GNG4: variants seen among roughly 807,000 people sequenced by gnomAD.
GNG4 encodes guanine nucleotide-binding protein G(I)/G(S)/G(O) subunit gamma-4.
In GNG4, 4 loss-of-function variants were observed where a neutral mutation model predicts 5.8. The observed-to-expected ratio is 0.69, with a 90% confidence interval of 0.34 to 1.57. The LOEUF (loss-of-function observed/expected upper bound fraction) is 1.57, where lower values mean the gene tolerates loss of function less well. Ranked by LOEUF, GNG4 falls within the 40% of genes most tolerant of loss-of-function variation. The pLI, the probability that GNG4 is intolerant of heterozygous loss-of-function variation, is 0.06. For missense variants in GNG4, 96 were observed against 95.1 expected (o/e 1.01, Z -0.04); for synonymous variants, 29 against 32.9 (o/e 0.88, Z 0.41).
At chr1:235,615,185 A>G (rs1417982141) in intron 1 of GNG4, 1 of 152,104 alleles carries the variant, frequency 6.6e-6, no homozygotes, top group East Asian at 1.9e-4. Flanking sequence ...GGAACCAATT[A>G]CCATGGATTA....
Position 235,649,463 on chromosome 1 carries a change from G to GT in GNG4, c.-123+198dup, listed in dbSNP as rs1657602164. ...GGGCTTCCCCGGGGCCCGGCGGGAGGTCCCGGGAGAGGAGGCCGAGGGAAC... is the reference window on the plus strand; with the variant it reads ...GGGCTTCCCCGGGGCCCGGCGGGAGGTTCCCGGGAGAGGAGGCCGAGGGAAC... On this transcript the variant is annotated intron_variant, in intron 1 of 3. Transcript: ENST00000391854. This position sits in a 1 kb window ranked among gnomAD's most constrained non-coding sequence, Gnocchi z 5.7. 6.6e-6 allele frequency among the ~76,000 whole-genome samples: 1 copy of GT among 152,132 alleles called. No homozygotes were observed.
intron 3 of GNG4, among the ~76,000 whole-genome samples, chr1:235,559,051 A>G (rs1312037019): frequency 6.6e-6 from 1 of 152,214 alleles, no homozygotes; most frequent in African/African-American, 2.4e-5. Context: ...TGACATAATT[A>G]TTATTGTGGC....
chr1:235,587,411 G>A (rs2102945882), intron 2 of GNG4, among the ~76,000 whole-genome samples: 1 of 91,228 alleles, frequency 1.1e-5, no homozygotes, highest in Non-Finnish European at 2.2e-5. Flanking sequence ...ATGAGGGTGA[G>A]GGGTGGGGGT....
intron 3 of GNG4, among the ~76,000 whole-genome samples, chr1:235,574,639 G>A (rs761426268): frequency 1.3e-5 from 2 of 152,084 alleles, no homozygotes; most frequent in Non-Finnish European, 2.9e-5. Flanking sequence ...TCAAAGACTT[G>A]TAAATTCAAC....
At chr1:235,567,229 C>T (rs1235704414) in intron 3 of GNG4, among the ~76,000 whole-genome samples, 6 of 151,806 alleles carry the variant, frequency 4.0e-5, no homozygotes, top group East Asian at 1.9e-4. Context: ...CCACTGCACC[C>T]GGCATAAAAA....
At position 235,649,708 on chromosome 1, in the gene GNG4, G is replaced by A. The variant is rs182972922; in HGVS notation, c.-169C>T. 17 of 151,878 alleles carry A rather than the reference G, an allele frequency of 1.1e-4. No individual in the cohort carries two copies. The highest frequency in any genetic ancestry group is 3.9e-4 in the African/African-American group (16 of 41,512). The allele number at this position is 151,878 out of a possible 1,614,324, so 9.4% of individuals were successfully genotyped here. A position where few individuals can be genotyped will look rare whatever the true frequency, so the allele number is the denominator to read the frequency against. On this transcript the variant is annotated 5_prime_UTR_variant, in exon 1 of 4. Transcript: ENST00000391854. The surrounding 1 kb of genome is among the most constrained non-coding windows in gnomAD (Gnocchi z 5.7). ...GCTTCGTCTGCAGCGCGGTGCTCGC[G>A]GGGGGCGGCCAGGCCGAGCGGCATC...
intron 1 of GNG4, among the ~76,000 whole-genome samples, chr1:235,632,459 A>T (rs1219062613): frequency 6.6e-6 from 1 of 152,168 alleles, no homozygotes; most frequent in African/African-American, 2.4e-5. Context: ...TGAATTAGAA[A>T]ATTCTGCCTT....
At chr1:235,556,548 C>T (rs1271418101) in intron 3 of GNG4, among the ~76,000 whole-genome samples, 1 of 103,098 alleles carries the variant, frequency 9.7e-6, no homozygotes, top group East Asian at 3.2e-4. Context: ...CAGAGTGAGA[C>T]TCTGTCTCAA....
Position 235,649,232 on chromosome 1 carries a change from A to T in GNG4, c.-123+430T>A, listed in dbSNP as rs2102993310. Among the ~76,000 whole-genome samples the T allele has an allele frequency of 6.6e-6, 1 of 152,280 alleles. No individual in the cohort carries two copies. Among genetic ancestry groups the T allele is most frequent in the South Asian group, 2.1e-4 (1 of 4,828 alleles). On this transcript the variant is annotated intron_variant, in intron 1 of 3. Coordinates refer to ENST00000391854, the MANE Select transcript of GNG4 (RefSeq NM_001098722.2). The surrounding 1 kb of genome is among the most constrained non-coding windows in gnomAD (Gnocchi z 5.7). ...TCGCCAGAAACATTTCCCCAAAGAA[A>T]ACGCCCAACCAGCCACGCCATCTCC...
At chr1:235,650,494 G>C (rs974224802), upstream of GNG4, 2 of 152,378 alleles carry the variant, frequency 1.3e-5, no homozygotes, top group African/African-American at 4.8e-5. Flanking sequence ...CTGCACCAAG[G>C]GACGCCTCGG....
At chr1:235,617,902 A>AAG (rs1553371098) in intron 1 of GNG4, among the ~76,000 whole-genome samples, 2 of 151,626 alleles carry the variant, frequency 1.3e-5, no homozygotes, top group African/African-American at 4.8e-5. Flanking sequence ...AAAAAAAAAA[A>AAG]AAAAAAGAAA....
chr1:235,555,394 C>T (rs1031245154), intron 3 of GNG4, among the ~76,000 whole-genome samples: 1 of 152,156 alleles, frequency 6.6e-6, no homozygotes, highest in Admixed American at 6.5e-5. Context: ...TAGAAGCTAA[C>T]ATTTACATTT....
At chr1:235,552,428 C>G (rs1214931963) in intron 3 of GNG4, among the ~76,000 whole-genome samples, 191 bp from the exon 4 acceptor site, 1 of 152,050 alleles carries the variant, frequency 6.6e-6, no homozygotes, top group Non-Finnish European at 1.5e-5. Flanking sequence ...AAGCGGGCCT[C>G]CAAGAAGGGG....
intron 1 of GNG4, chr1:235,614,989 G>C (rs1332649469): frequency 6.6e-6 from 1 of 152,664 alleles, no homozygotes; most frequent in African/African-American, 2.4e-5. Flanking sequence ...TTCAGTGGCA[G>C]TCATGGATTG....
intron 1 of GNG4, among the ~76,000 whole-genome samples, chr1:235,604,467 CA>C (rs1688319724): frequency 1.3e-5 from 2 of 152,202 alleles, no homozygotes; most frequent in South Asian, 4.1e-4. Flanking sequence ...AAGGTGTTGG[CA>C]GGGTCACGCT....
chr1:235,579,290 C>G (rs1687563890), intron 3 of GNG4, among the ~76,000 whole-genome samples: 1 of 151,944 alleles, frequency 6.6e-6, no homozygotes, highest in Non-Finnish European at 1.5e-5. Context: ...AGCCATTCCA[C>G]AATGTATGCC....
chr1:235,549,897 T>A lies in GNG4; in HGVS notation c.*2212A>T, dbSNP rs1686695946. The A allele has an allele frequency of 6.6e-6, 1 of 152,214 alleles. No individual in the cohort carries two copies. Among genetic ancestry groups the A allele is most frequent in the South Asian group, 2.1e-4 (1 of 4,832 alleles). The allele number at this position is 152,214 out of a possible 1,614,324, so 9.4% of individuals were successfully genotyped here. On this transcript the variant is annotated 3_prime_UTR_variant, in exon 4 of 4. Coordinates refer to ENST00000391854, the MANE Select transcript of GNG4 (RefSeq NM_001098722.2). ...TACATTTATTTGTTTTAAATGATAA[T>A]CAGAGCTTTCATCTATGTAGCATCT... is the stretch of plus-strand genomic sequence containing the variant.
intron 2 of GNG4, among the ~76,000 whole-genome samples, chr1:235,584,699 T>C (rs1306987498): frequency 7.0e-6 from 1 of 142,622 alleles, no homozygotes; most frequent in African/African-American, 2.6e-5. Flanking sequence ...ACAATTGCAA[T>C]TGCCCCGTCT....
At chr1:235,603,871 G>T (rs10926217) in intron 1 of GNG4, among the ~76,000 whole-genome samples, 1 of 151,956 alleles carries the variant, frequency 6.6e-6, no homozygotes, top group Non-Finnish European at 1.5e-5. Flanking sequence ...ATTAGAGAAG[G>T]TTGGCAGACC....
Sources: gnomAD v4.1 joint callset for allele counts (sites outside exome capture counted in the v4.1 genomes callset) on GRCh38, gnomAD v4.1.1 for gene constraint, Gnocchi (gnomAD v3.1) non-coding constraint, MANE v1.5 for transcripts, NCBI Gene and HGNC (gene_info 2026-07-23, HGNC 2026-07-21) for gene names.